The following CLIC5 variants were observed in gnomAD, a reference collection of about 807,000 sequenced individuals.
CLIC5 encodes chloride intracellular channel protein 5.
A neutral mutation model predicts 24.7 loss-of-function variants in CLIC5; 20 were observed. The observed-to-expected ratio is 0.81, with a 90% CI of 0.57 to 1.18. CLIC5 has a LOEUF of 1.18. CLIC5 is among the 50% of genes most tolerant of loss of function. CLIC5 has a pLI of 0.00. For synonymous variants in CLIC5, 159 were observed against 135.6 expected, an observed-to-expected ratio of 1.17 and a Z score of -1.20; for missense variants, 341 against 326.1, an observed-to-expected ratio of 1.05 and a Z score of -0.35.
intron 1 of CLIC5, among the ~76,000 whole-genome samples, chr6:46,048,453 C>A (rs938772484): frequency 2.2e-4 from 34 of 152,158 alleles, no homozygotes; most frequent in Non-Finnish European, 2.5e-4. Flanking sequence ...TCTTTTCCAT[C>A]CTCCCTGTTT....
At chr6:45,883,410 C>T (rs1370013757) in intron 6 of CLIC5, among the ~76,000 whole-genome samples, 1 of 152,114 alleles carries the variant, frequency 6.6e-6, no homozygotes, top group Non-Finnish European at 1.5e-5. Context: ...CTCTAACATT[C>T]TAGGAATTCG....
chr6:45,944,446 A>T (rs1764225159), intron 3 of CLIC5, among the ~76,000 whole-genome samples: 1 of 150,792 alleles, frequency 6.6e-6, no homozygotes, highest in African/African-American at 2.4e-5. Context: ...CTAACTCCTG[A>T]TCTAACTGAT....
chr6:46,009,957 C>T (rs1766745089), intron 1 of CLIC5, among the ~76,000 whole-genome samples: 1 of 152,160 alleles, frequency 6.6e-6, no homozygotes, highest in Non-Finnish European at 1.5e-5. Flanking sequence ...CTCTAGTGGG[C>T]TCCAGCTTAT....
chr6:45,967,808 G>A (rs1256041117), intron 1 of CLIC5, among the ~76,000 whole-genome samples: 1 of 151,668 alleles, frequency 6.6e-6, no homozygotes, highest in African/African-American at 2.4e-5. Flanking sequence ...AGAGAGAGAG[G>A]AACCAGGATC....
At chr6:45,896,485 C>T (rs867357199), downstream of CLIC5, among the ~76,000 whole-genome samples, 9 of 152,334 alleles carry the variant, frequency 5.9e-5, no homozygotes, top group Middle Eastern at 6.8e-3. Flanking sequence ...GTCAAATTCT[C>T]GTTTCTTTGT....
rs192991092 is a variant in CLIC5 at position 45,960,699 on chromosome 6, C to G, written c.64-5455G>C. On this transcript the variant is annotated intron_variant, in intron 1 of 5. Coordinates refer to ENST00000339561, the MANE Select transcript of CLIC5 (RefSeq NM_016929.5). ...CCAGTGTGTCCACACAGCTTGGTCA[C>G]CCCCTTTGCAAGCCCCACGTGTCCT... Among the ~76,000 whole-genome samples, 21 of 152,336 alleles carry G rather than the reference C, an allele frequency of 1.4e-4. No individual in the cohort carries two copies. The East Asian group carries it at 2.3e-3, about 17-fold the overall frequency.
At chr6:46,030,976 T>C (rs780361804) in intron 1 of CLIC5, among the ~76,000 whole-genome samples, 6 of 152,210 alleles carry the variant, frequency 3.9e-5, no homozygotes. Flanking sequence ...TAACAAACCA[T>C]CATGTTTTAA....
At chr6:46,062,766 T>C (rs1762322960) in intron 1 of CLIC5, among the ~76,000 whole-genome samples, 1 of 152,164 alleles carries the variant, frequency 6.6e-6, no homozygotes, top group Non-Finnish European at 1.5e-5. Flanking sequence ...ACAAATAGAT[T>C]CTCAACACTT....
chr6:46,116,405 T>C, the CLIC5 span, among the ~76,000 whole-genome samples: 1 of 152,180 alleles, frequency 6.6e-6, no homozygotes, highest in Non-Finnish European at 1.5e-5. Flanking sequence ...AATTTGAGTA[T>C]TCACTCTGCT....
intron 1 of CLIC5, among the ~76,000 whole-genome samples, chr6:46,028,640 T>G (rs1767409626): frequency 6.6e-6 from 1 of 151,790 alleles, no homozygotes; most frequent in South Asian, 2.1e-4. Context: ...CCTCTCTCTC[T>G]ATTAGACTTT....
intron 2 of CLIC5, among the ~76,000 whole-genome samples, chr6:45,951,070 T>A (rs1443842285): frequency 6.6e-6 from 1 of 152,222 alleles, no homozygotes; most frequent in African/African-American, 2.4e-5. Flanking sequence ...TTTCTTCTTA[T>A]AGCAAACTTT....
chr6:46,032,701 A>T (rs1767538205), intron 1 of CLIC5, among the ~76,000 whole-genome samples: 1 of 152,198 alleles, frequency 6.6e-6, no homozygotes, highest in African/African-American at 2.4e-5. Flanking sequence ...CATTCATTCC[A>T]TAAACACATA....
chr6:46,104,448 C>G, the CLIC5 span, among the ~76,000 whole-genome samples: 1 of 152,008 alleles, frequency 6.6e-6, no homozygotes, highest in Admixed American at 6.6e-5. Context: ...AGTCCCATCA[C>G]CATGGGACTT....
chr6:45,999,261 T>C (rs2127431354), intron 1 of CLIC5, among the ~76,000 whole-genome samples: 1 of 152,244 alleles, frequency 6.6e-6, no homozygotes, highest in Non-Finnish European at 1.5e-5. Flanking sequence ...GAACCAAAAA[T>C]CAAGTTTCCT....
intron 6 of CLIC5, chr6:45,883,766 A>T (rs1762281674): frequency 6.6e-6 from 1 of 152,306 alleles, no homozygotes; most frequent in Non-Finnish European, 1.5e-5. Context: ...GAGGAAATCC[A>T]TGGAGGCTTC....
At chr6:45,974,566 A>AAG (rs368892787) in intron 1 of CLIC5, among the ~76,000 whole-genome samples, 1 of 71,756 alleles carries the variant, frequency 1.4e-5, no homozygotes, top group Non-Finnish European at 2.8e-5. Flanking sequence ...GAGAGAGAGA[A>AAG]AGAGAGAGAG....
intron 4 of CLIC5, among the ~76,000 whole-genome samples, chr6:45,936,912 G>A (rs1346539665): frequency 6.6e-6 from 1 of 152,156 alleles, no homozygotes; most frequent in African/African-American, 2.4e-5. Context: ...TAAGTGAAGT[G>A]AAGAGCAGGT....
the CLIC5 span, among the ~76,000 whole-genome samples, chr6:46,124,669 T>C: frequency 6.6e-6 from 1 of 152,158 alleles, no homozygotes; most frequent in South Asian, 2.1e-4. Context: ...ATTTTTGCAA[T>C]CTACTCATCT....
intron 1 of CLIC5, among the ~76,000 whole-genome samples, chr6:46,003,420 C>T (rs1194931312): frequency 6.6e-6 from 1 of 152,106 alleles, no homozygotes; most frequent in East Asian, 1.9e-4. Context: ...AATACCTTTG[C>T]AAAAACAACA....
Sources: allele counts gnomAD v4.1 joint callset (sites outside exome capture counted in the v4.1 genomes callset), GRCh38; gene constraint gnomAD v4.1.1; transcripts MANE v1.5; gene names NCBI Gene and HGNC (gene_info 2026-07-23, HGNC 2026-07-21).